TSGA10: variants seen among roughly 807,000 people sequenced by gnomAD.
TSGA10 encodes the protein testis-specific gene 10 protein.
Under a neutral mutation model 96.6 loss-of-function variants are expected in TSGA10, and 43 were observed. That is an observed-to-expected ratio of 0.44 (90% CI 0.35 to 0.57). The LOEUF (loss-of-function observed/expected upper bound fraction) is 0.57. TSGA10 is among the 20% of genes least tolerant of loss of function. The probability of loss-of-function intolerance (pLI) is 0.01; values close to 1 mark genes in which losing one functional copy is unlikely to be tolerated. For missense variants in TSGA10, 703 were observed against 834.4 expected, an observed-to-expected ratio of 0.84 and a Z score of 1.94; for synonymous variants, 229 against 269.9, an observed-to-expected ratio of 0.85 and a Z score of 1.48.
intron 16 of TSGA10, among the ~76,000 whole-genome samples, chr2:99,047,189 C>T (rs144639376): frequency 0.016 from 2,368 of 152,136 alleles, 52 homozygotes; most frequent in African/African-American, 0.053. Context: ...TTCCAATCAA[C>T]AGAAAAAGAG....
At chr2:99,052,724 C>T (rs532911895) in intron 16 of TSGA10, among the ~76,000 whole-genome samples, 18 of 148,284 alleles carry the variant, frequency 1.2e-4, no homozygotes, top group East Asian at 4.0e-4. Context: ...GGTGACAGAG[C>T]GAGACTCCAT....
intron 1 of TSGA10, among the ~76,000 whole-genome samples, chr2:99,137,826 G>A (rs13010904): frequency 0.58 from 86,315 of 150,088 alleles, 25,768 homozygotes; most frequent in East Asian, 0.88. Context: ...GGGATTTATT[G>A]CAGTGAGCCG....
intron 1 of TSGA10, among the ~76,000 whole-genome samples, chr2:99,133,766 T>C (rs2093208572): frequency 6.6e-6 from 1 of 152,250 alleles, no homozygotes; most frequent in South Asian, 2.1e-4. Flanking sequence ...GGAGCTCTTG[T>C]AAGCCAGGTC....
chr2:99,104,351 A>G (rs2091103662), intron 9 of TSGA10, among the ~76,000 whole-genome samples: 1 of 152,202 alleles, frequency 6.6e-6, no homozygotes, highest in African/African-American at 2.4e-5. Flanking sequence ...ATATTTTTCA[A>G]TCTGGTTCAA....
intron 20 of TSGA10, among the ~76,000 whole-genome samples, chr2:99,002,108 G>A (rs59286792): frequency 0.013 from 1,930 of 152,200 alleles, 41 homozygotes; most frequent in African/African-American, 0.043. Context: ...AAGGCAGGCC[G>A]ACATTCAAAT....
At chr2:99,123,988 T>C (rs1404477212) in intron 2 of TSGA10, among the ~76,000 whole-genome samples, 1 of 152,230 alleles carries the variant, frequency 6.6e-6, no homozygotes. Flanking sequence ...CTTTAGGATA[T>C]ATACCTAGGA....
chr2:99,071,668 T>G, intron 14 of TSGA10, 38 bp downstream of exon 14: 1 of 1,578,660 alleles, frequency 6.3e-7, no homozygotes, highest in Non-Finnish European at 8.6e-7. Context: ...ATTCATATTT[T>G]TTTTTCTTGG....
chr2:99,005,811 C>T (rs1161702404), intron 20 of TSGA10, among the ~76,000 whole-genome samples: 3 of 151,982 alleles, frequency 2.0e-5, no homozygotes, highest in Non-Finnish European at 2.9e-5. Context: ...TCATATGGAA[C>T]CAAAAAAGAG....
chr2:99,132,276 G>A (rs534547098), intron 1 of TSGA10, among the ~76,000 whole-genome samples: 46 of 151,840 alleles, frequency 3.0e-4, no homozygotes, highest in South Asian at 4.2e-4. Flanking sequence ...TGGTTGGTAG[G>A]CTATTAATTA....
chr2:99,126,778 T>C (rs1441039669), intron 2 of TSGA10: 2 of 185,518 alleles, frequency 1.1e-5, no homozygotes. Flanking sequence ...CATCTATAAA[T>C]GGAAACGGCA....
At chr2:99,113,699 C>A (rs1021520615) in intron 4 of TSGA10, among the ~76,000 whole-genome samples, 13 of 152,170 alleles carry the variant, frequency 8.5e-5, no homozygotes, top group Non-Finnish European at 1.5e-5. Context: ...GTGCCCACCA[C>A]CATGCCCAGC....
chr2:99,131,553 A>G (rs112293731), intron 1 of TSGA10, among the ~76,000 whole-genome samples: 25 of 152,330 alleles, frequency 1.6e-4, no homozygotes, highest in African/African-American at 5.3e-4. Flanking sequence ...ATATACAATC[A>G]TGTCATCTGC....
chr2:99,032,365 C>A (rs2081217285), intron 17 of TSGA10, among the ~76,000 whole-genome samples: 1 of 152,166 alleles, frequency 6.6e-6, no homozygotes, highest in Admixed American at 6.5e-5. Flanking sequence ...AGGAACGCTG[C>A]ATTTAAAAGA....
intron 14 of TSGA10, among the ~76,000 whole-genome samples, chr2:99,069,486 T>A (rs1188443803): frequency 6.6e-6 from 1 of 151,954 alleles, no homozygotes; most frequent in African/African-American, 2.4e-5. Context: ...TGGGGATTCA[T>A]TATATTTGAA....
chr2:99,154,620 T>G (rs545944112), intron 1 of TSGA10, 73 bp downstream of exon 1: 22 of 183,272 alleles, frequency 1.2e-4, no homozygotes, highest in Admixed American at 1.1e-3. Flanking sequence ...CTGACTGCTC[T>G]GGGCTTCTGG....
intron 1 of TSGA10, chr2:99,142,425 C>T (rs910364957): frequency 6.6e-6 from 1 of 152,154 alleles, no homozygotes; most frequent in Non-Finnish European, 1.5e-5. Context: ...TTTCCCCCCA[C>T]AAGATATCAT....
At chr2:99,092,028 T>C (rs987126888) in intron 10 of TSGA10, among the ~76,000 whole-genome samples, 1 of 152,186 alleles carries the variant, frequency 6.6e-6, no homozygotes, top group African/African-American at 2.4e-5. Context: ...GACCATATCA[T>C]AGGCCACCAA....
intron 1 of TSGA10, among the ~76,000 whole-genome samples, chr2:99,133,265 G>A (rs1231687651): frequency 2.0e-5 from 3 of 152,114 alleles, no homozygotes. Flanking sequence ...GAATGAGGGT[G>A]CCCTGTATTG....
intron 16 of TSGA10, among the ~76,000 whole-genome samples, chr2:99,042,039 CATT>C (rs1558816170): frequency 7.9e-5 from 11 of 140,102 alleles, no homozygotes; most frequent in Non-Finnish European, 7.6e-5. Context: ...TGCCCCCCCA[CATT>C]TTTTTTTTTT....
Sources: gnomAD v4.1 joint callset for allele counts (sites outside exome capture counted in the v4.1 genomes callset) on GRCh38, gnomAD v4.1.1 for gene constraint, MANE v1.5 for transcripts, NCBI Gene and HGNC (gene_info 2026-07-23, HGNC 2026-07-21) for gene names.